Variants in MAP3K10 observed in about 807,000 individuals in gnomAD.
MAP3K10 encodes the protein mitogen-activated protein kinase kinase kinase 10, also known as MKN28 derived nonreceptor_type serine/threonine kinase.
Under a neutral mutation model 75.0 loss-of-function variants are expected in MAP3K10, and 22 were observed. The observed-to-expected ratio is 0.29, with a 90% CI of 0.21 to 0.42. The LOEUF (loss-of-function observed/expected upper bound fraction) is 0.42, where lower values mean the gene tolerates loss of function less well. MAP3K10 is among the 10% of genes least tolerant of loss of function. The probability of loss-of-function intolerance (pLI) is 1.00; values close to 1 mark genes in which losing one functional copy is unlikely to be tolerated. For missense variants in MAP3K10, 1,165 were observed against 1,379.8 expected, an observed-to-expected ratio of 0.84 and a Z score of 2.47; for synonymous variants, 599 against 612.9, an observed-to-expected ratio of 0.98 and a Z score of 0.34.
intron 1 of MAP3K10, among the ~76,000 whole-genome samples, chr19:40,196,027 G>A (rs1311551681): frequency 6.6e-6 from 1 of 151,976 alleles, no homozygotes; most frequent in African/African-American, 2.4e-5. Context: ...ACTTTTAAAG[G>A]CCCTATTGCT....
rs1973081935 is a variant in MAP3K10 at position 40,204,616 on chromosome 19, T to C, written c.995T>C (p.Phe332Ser). The change falls in exon 3 of 10, where the codon TTT becomes TCT. Residue 332 changes from phenylalanine (F) to serine (S), a missense_variant. Physicochemically the swap from Phe to Ser is radical, Grantham distance 155. Transcript: ENST00000253055. The surrounding 1 kb of genome is among the most constrained non-coding windows in gnomAD (Gnocchi z 4.3). Reference protein sequence around the residue: ...LPIPSTCPEPFARLLEECWDP... With the variant: ...LPIPSTCPEPSARLLEECWDP... The stretch of plus-strand genomic sequence containing the variant: ...ATTCCCTCCACGTGCCCCGAGCCCT[T>C]TGCCCGCCTCCTGGAGGGTGAGCCG... The C allele has an allele frequency of 6.2e-7, 1 of 1,613,300 alleles. No individual in the cohort carries two copies.
chr19:40,212,711 G>T lies in MAP3K10; in HGVS notation c.1553-94G>T. ...TTCAAAAGAGCCCTTGGACTCCCAG[G>T]CGGAGGGTGGGCCTGAGCTGGGGGC... On this transcript the variant is annotated intron_variant, in intron 6 of 9. Coordinates refer to ENST00000253055, the MANE Select transcript of MAP3K10 (RefSeq NM_002446.4). The surrounding 1 kb of genome is among the most constrained non-coding windows in gnomAD (Gnocchi z 4.2). 1 of 1,496,642 alleles carries T rather than the reference G, an allele frequency of 6.7e-7. No individual in the cohort carries two copies. Among genetic ancestry groups the T allele is most frequent in the South Asian group, 1.3e-5 (1 of 78,378 alleles). 92.7% of individuals were successfully genotyped at this position (1,496,642 alleles called of 1,614,324 possible).
At chr19:40,214,893 T>C in intron 9 of MAP3K10, 77 bp from the exon 10 acceptor site, 1 of 701,044 alleles carries the variant, frequency 1.4e-6, no homozygotes, top group Non-Finnish European at 2.5e-6. Flanking sequence ...ACTTGTGCTT[T>C]TCATGTAACA....
chr19:40,200,022 C>T (rs138930500), intron 2 of MAP3K10, among the ~76,000 whole-genome samples: 31 of 151,110 alleles, frequency 2.1e-4, no homozygotes, highest in African/African-American at 6.8e-4. Context: ...CGGCCAGGCG[C>T]GGTGGCTCAC....
chr19:40,212,740 G>A lies in MAP3K10; in HGVS notation c.1553-65G>A. On this transcript the variant is annotated intron_variant, in intron 6 of 9. Coordinates refer to ENST00000253055, the MANE Select transcript of MAP3K10 (RefSeq NM_002446.4). This position sits in a 1 kb window ranked among gnomAD's most constrained non-coding sequence, Gnocchi z 4.2. ...AGGGTGGGCCTGAGCTGGGGGCACTGGAGGCTGGGAGCCCAGTGGGGACAG... is the reference window on the plus strand; with the variant it reads ...AGGGTGGGCCTGAGCTGGGGGCACTAGAGGCTGGGAGCCCAGTGGGGACAG... The A allele has an allele frequency of 1.9e-6, 3 of 1,548,748 alleles. No individual in the cohort carries two copies. Among genetic ancestry groups the A allele is most frequent in the Non-Finnish European group, 2.6e-6 (3 of 1,146,886 alleles).
Position 40,204,678 on chromosome 19 carries a change from C to T in MAP3K10, c.1012+45C>T. The T allele has an allele frequency of 6.3e-7, 1 of 1,594,020 alleles. No homozygotes were observed. The highest frequency in any genetic ancestry group is 8.6e-7 in the Non-Finnish European group (1 of 1,168,818). ...CGAGGGTAGGCTCAGCTTGGAGTGG[C>T]AGGGACCTGTGGGCCCAGACCTTTC... is the stretch of plus-strand genomic sequence containing the variant. On this transcript the variant is annotated intron_variant, in intron 3 of 9. Coordinates refer to ENST00000253055, the MANE Select transcript of MAP3K10 (RefSeq NM_002446.4). The surrounding 1 kb of genome is among the most constrained non-coding windows in gnomAD (Gnocchi z 4.3).
intron 5 of MAP3K10, among the ~76,000 whole-genome samples, chr19:40,208,672 TTATATA>T (rs61540617): frequency 6.8e-6 from 1 of 145,994 alleles, no homozygotes. Context: ...AACTCATCCT[TTATATA>T]TATATATATA....
At chr19:40,209,903 G>A (rs1430725932) in intron 6 of MAP3K10, among the ~76,000 whole-genome samples, 1 of 152,072 alleles carries the variant, frequency 6.6e-6, no homozygotes, top group Non-Finnish European at 1.5e-5. Flanking sequence ...AGGATGAAGT[G>A]GGAGGATTGC....
In MAP3K10 at chr19:40,213,424, G is replaced by GTTGGAGGGGTCATCGGGGGC. The variant is rs1277480744; in HGVS notation, c.1838-91_1838-72dup. ...GATGCTCGTGGGTCTTGGTCTTGCT[G>GTTGGAGGGGTCATCGGGGGC]TTGGAGGGGTCATCGGGGGCTGTCC... On this transcript the variant is annotated intron_variant, in intron 8 of 9. Coordinates refer to ENST00000253055, the MANE Select transcript of MAP3K10 (RefSeq NM_002446.4). This position sits in a 1 kb window ranked among gnomAD's most constrained non-coding sequence, Gnocchi z 5.7. 3.1e-5 allele frequency: 47 copies of GTTGGAGGGGTCATCGGGGGC among 1,537,734 alleles called. No individual in the cohort carries two copies. The highest frequency in any genetic ancestry group is 3.7e-5 in the Non-Finnish European group (43 of 1,147,598).
At chr19:40,208,530 C>A (rs1419320896) in intron 5 of MAP3K10, among the ~76,000 whole-genome samples, 1 of 149,710 alleles carries the variant, frequency 6.7e-6, no homozygotes, top group Non-Finnish European at 1.5e-5. Flanking sequence ...ACTCAAATTG[C>A]GGTAATTACA....
At position 40,213,923 on chromosome 19, in the gene MAP3K10, G is replaced by A. The variant is rs1385448537; in HGVS notation, c.2244G>A (p.Ser748=). 5 of 1,522,754 alleles carry A rather than the reference G, an allele frequency of 3.3e-6. No individual in the cohort carries two copies. The highest frequency in any genetic ancestry group is 1.7e-4 in the Middle Eastern group (1 of 5,854). 94.3% of individuals were successfully genotyped at this position (1,522,754 alleles called of 1,614,324 possible). The change falls in exon 9 of 10, where the codon TCG becomes TCA. Residue 748 remains serine (S), a synonymous_variant. Coordinates refer to ENST00000253055, the MANE Select transcript of MAP3K10 (RefSeq NM_002446.4). The surrounding 1 kb of genome is among the most constrained non-coding windows in gnomAD (Gnocchi z 5.7). The stretch of plus-strand genomic sequence containing the variant: ...TGGCGCCCTCGGCCACCCTCGTGTC[G>A]CTGTCGTCCGTGTCCGACTGCAACT... The part of the protein sequence containing the change: ...LGLAPSATLV[S]LSSVSDCNST...
intron 1 of MAP3K10, among the ~76,000 whole-genome samples, chr19:40,195,471 C>CTTTTTTTTTTTTTTTTTTT (rs61289931): frequency 2.1e-5 from 1 of 48,656 alleles, no homozygotes; most frequent in African/African-American, 5.8e-5. Flanking sequence ...CCCGCCCGGC[C>CTTTTTTTTTTTTTTTTTTT]TTTTTTTTTT....
chr19:40,206,456 G>T, intron 5 of MAP3K10: 1 of 247,078 alleles, frequency 4.0e-6, no homozygotes, highest in Admixed American at 5.4e-5. Context: ...TGCACTTATA[G>T]TCCAAGCTAG....
At chr19:40,199,298 T>C (rs1972973916) in intron 2 of MAP3K10, among the ~76,000 whole-genome samples, 1 of 152,176 alleles carries the variant, frequency 6.6e-6, no homozygotes, top group South Asian at 2.1e-4. Flanking sequence ...CAAGAAGCTC[T>C]TTTTTATAAA....
Position 40,214,013 on chromosome 19 carries a change from C to CCCCCCCCCCCCCCCCCCAA in MAP3K10, c.2334_2335insCCCCCCCCCCCCCCCCCAA (p.Ser779ProfsTer79). The CCCCCCCCCCCCCCCCCCAA allele has an allele frequency of 6.6e-7, 1 of 1,504,338 alleles. No individual in the cohort carries two copies. The highest frequency in any genetic ancestry group is 1.2e-5 in the South Asian group (1 of 81,534). The allele number at this position is 1,504,338 out of a possible 1,614,324, so 93.2% of individuals were successfully genotyped here. A position where few individuals can be genotyped will look rare whatever the true frequency, so the allele number is the denominator to read the frequency against. Reference sequence around the variant, plus strand: ...CACCGGCCGCGCCCTCCCCACCACCCTCCCCGCCCGCGCCCACACCCACGC... The same window carrying CCCCCCCCCCCCCCCCCCAA: ...CACCGGCCGCGCCCTCCCCACCACCCCCCCCCCCCCCCCCCCCAATCCCCGCCCGCGCCCACACCCACGC... On this transcript the variant is annotated frameshift_variant, in exon 9 of 10. Coordinates refer to ENST00000253055, the MANE Select transcript of MAP3K10 (RefSeq NM_002446.4). LOFTEE classifies it high-confidence loss of function.
chr19:40,199,713 A>G (rs1392469336), intron 2 of MAP3K10, among the ~76,000 whole-genome samples: 1 of 152,142 alleles, frequency 6.6e-6, no homozygotes, highest in African/African-American at 2.4e-5. Flanking sequence ...ATAGAGTGGT[A>G]GCTCACACCT....
Position 40,198,689 on chromosome 19 carries a change from G to A in MAP3K10, c.863+134G>A, listed in dbSNP as rs372476008. On this transcript the variant is annotated intron_variant, in intron 2 of 9. Coordinates refer to ENST00000253055, the MANE Select transcript of MAP3K10 (RefSeq NM_002446.4). The surrounding 1 kb of genome is among the most constrained non-coding windows in gnomAD (Gnocchi z 4.3). ...CAAAGGGACCTGCTGGCAAGGTCAG[G>A]CCACCAGACAAGTGCCAGTTACCTG... 5 of 880,906 alleles carry A rather than the reference G, an allele frequency of 5.7e-6. No homozygotes were observed. Among genetic ancestry groups the A allele is most frequent in the East Asian group, 5.5e-5 (2 of 36,576 alleles). 54.6% of individuals were successfully genotyped at this position (880,906 alleles called of 1,614,324 possible). A position where few individuals can be genotyped will look rare whatever the true frequency, so the allele number is the denominator to read the frequency against.
In MAP3K10 at chr19:40,212,953, G is replaced by T; in HGVS notation, c.1701G>T (p.Lys567Asn). ...GGGGGCCCAGCTCCACCCTGCAGAA[G>T]GAGCGGGTGGGAGGAGAGGAGAGGT... ...RTWGPSSTLQ[K>N]ERVGGEERLK... is the part of the protein sequence containing the mutation. The change falls in exon 7 of 10, where the codon AAG becomes AAT. Residue 567 changes from lysine (K) to asparagine (N), a missense_variant. Transcript: ENST00000253055. This position sits in a 1 kb window ranked among gnomAD's most constrained non-coding sequence, Gnocchi z 4.2. The T allele has an allele frequency of 6.2e-7, 1 of 1,608,102 alleles. No individual in the cohort carries two copies. The highest frequency in any genetic ancestry group is 8.5e-7 in the Non-Finnish European group (1 of 1,176,940).
Position 40,205,067 on chromosome 19 carries a change from C to T in MAP3K10, c.1013-54C>T. ...CTCTGAGCAGGCTGAGTCCCCAGAG[C>T]ATGACCACTGACACCTCCATGCCCC... On this transcript the variant is annotated intron_variant, in intron 3 of 9. Coordinates refer to ENST00000253055, the MANE Select transcript of MAP3K10 (RefSeq NM_002446.4). This position sits in a 1 kb window ranked among gnomAD's most constrained non-coding sequence, Gnocchi z 4.3. 4 of 1,537,390 alleles carry T rather than the reference C, an allele frequency of 2.6e-6. No individual in the cohort carries two copies. Among genetic ancestry groups the T allele is most frequent in the Non-Finnish European group, 3.6e-6 (4 of 1,114,266 alleles).
Sources: allele counts gnomAD v4.1 joint callset (sites outside exome capture counted in the v4.1 genomes callset), GRCh38; gene constraint gnomAD v4.1.1; non-coding constraint Gnocchi (gnomAD v3.1); transcripts MANE v1.5; gene names NCBI Gene and HGNC (gene_info 2026-07-23, HGNC 2026-07-21).